KCNQ1: variants seen among roughly 807,000 people sequenced by gnomAD.
The protein encoded by KCNQ1 is potassium voltage-gated channel subfamily KQT member 1.
In KCNQ1, 49 loss-of-function variants were observed where a neutral mutation model predicts 72.4. The observed-to-expected ratio is 0.68, with a 90% CI of 0.54 to 0.86. KCNQ1 has a LOEUF of 0.86. KCNQ1 is among the 40% of genes least tolerant of loss of function. KCNQ1 has a pLI of 0.00. For missense variants in KCNQ1, 790 were observed against 945.1 expected, an observed-to-expected ratio of 0.84 and a Z score of 2.15; for synonymous variants, 450 against 412.6, an observed-to-expected ratio of 1.09 and a Z score of -1.10.
rs1846109129 is a variant in KCNQ1, at chr11:2,450,677, A to T, written c.386+5193A>T. 6.6e-6 allele frequency among the ~76,000 whole-genome samples: 1 copy of T among 152,020 alleles called. No homozygotes were observed. Among genetic ancestry groups the T allele is most frequent in the Admixed American group, 6.5e-5 (1 of 15,272 alleles). On this transcript the variant is annotated intron_variant, in intron 1 of 15. Transcript: ENST00000155840. This position sits in a 1 kb window ranked among gnomAD's most constrained non-coding sequence, Gnocchi z 7.9. Reference sequence around the variant, plus strand: ...TCCTGGTGGGTAGCTGTCTCTCTCCAGCAGCTCCTCCAACCACCATGAGAA... The same window carrying T: ...TCCTGGTGGGTAGCTGTCTCTCTCCTGCAGCTCCTCCAACCACCATGAGAA...
chr11:2,810,680 C>T (rs1332165896), intron 15 of KCNQ1, among the ~76,000 whole-genome samples: 3 of 152,216 alleles, frequency 2.0e-5, no homozygotes, highest in East Asian at 3.8e-4. Context: ...GTTTGGCCAG[C>T]CAGGCCCCTC....
chr11:2,552,845 C>A (rs182313674), intron 2 of KCNQ1, among the ~76,000 whole-genome samples: 58 of 152,242 alleles, frequency 3.8e-4, no homozygotes, highest in African/African-American at 1.4e-3. Context: ...GCCTCATGCA[C>A]GTCTTAGTAA....
Position 2,488,241 on chromosome 11 carries a change from T to C in KCNQ1, c.387-39687T>C, listed in dbSNP as rs191775433. ...CACATGGTCATGATATGTAATACTT[T>C]AACTATGTTTCTGAACTCAGTTTGC... On this transcript the variant is annotated intron_variant, in intron 1 of 15. Transcript: ENST00000155840. This position sits in a 1 kb window ranked among gnomAD's most constrained non-coding sequence, Gnocchi z 5.1. 6.6e-6 allele frequency among the ~76,000 whole-genome samples: 1 copy of C among 152,366 alleles called. No homozygotes were observed. The highest frequency in any genetic ancestry group is 1.5e-5 in the Non-Finnish European group (1 of 68,030).
chr11:2,794,344 G>T (rs1210089315), intron 15 of KCNQ1, among the ~76,000 whole-genome samples: 1 of 152,226 alleles, frequency 6.6e-6, no homozygotes, highest in South Asian at 2.1e-4. Flanking sequence ...TTTGCTCGGA[G>T]GGGTGCTGAG....
Position 2,595,078 on chromosome 11 carries a change from G to A in KCNQ1, c.1393+6224G>A, listed in dbSNP as rs930160250. Among the ~76,000 whole-genome samples, 1 of 152,148 alleles carries A rather than the reference G, an allele frequency of 6.6e-6. No individual in the cohort carries two copies. The highest frequency in any genetic ancestry group is 2.4e-5 in the African/African-American group (1 of 41,436). ...CAGGACCTTCATGATCCATGTTTTA[G>A]ATATGGGATCTTCTAGACAACCTAT... On this transcript the variant is annotated intron_variant, in intron 10 of 15. Transcript: ENST00000155840. This position sits in a 1 kb window ranked among gnomAD's most constrained non-coding sequence, Gnocchi z 5.0.
At chr11:2,765,845 T>A (rs1846488391) in intron 11 of KCNQ1, among the ~76,000 whole-genome samples, 1 of 152,230 alleles carries the variant, frequency 6.6e-6, no homozygotes, top group Non-Finnish European at 1.5e-5. Context: ...TATTTTAAAG[T>A]GGATTTATAT....
chr11:2,658,770 C>T lies in KCNQ1; in HGVS notation c.1394-3191C>T, dbSNP rs569025027. The T allele has an allele frequency of 5.0e-6, 2 of 398,568 alleles. No individual in the cohort carries two copies. The highest frequency in any genetic ancestry group is 4.1e-5 in the African/African-American group (2 of 48,740). The allele number at this position is 398,568 out of a possible 1,614,324, so 24.7% of individuals were successfully genotyped here. A position where few individuals can be genotyped will look rare whatever the true frequency, so the allele number is the denominator to read the frequency against. On this transcript the variant is annotated intron_variant, in intron 10 of 15. Transcript: ENST00000155840. The surrounding 1 kb of genome is among the most constrained non-coding windows in gnomAD (Gnocchi z 4.9). ...AAAGCTAACCATGAGTTCATACTGACATTTCTGACCAGAGTTCATCCTTGC... is the reference window on the plus strand; with the variant it reads ...AAAGCTAACCATGAGTTCATACTGATATTTCTGACCAGAGTTCATCCTTGC...
chr11:2,795,907 C>T (rs1847119169), intron 15 of KCNQ1, among the ~76,000 whole-genome samples: 1 of 152,134 alleles, frequency 6.6e-6, no homozygotes, highest in African/African-American at 2.4e-5. Flanking sequence ...GTGGCCAACC[C>T]CTTGCACAGG....
intron 11 of KCNQ1, among the ~76,000 whole-genome samples, chr11:2,741,128 C>T (rs1024783766): frequency 6.6e-6 from 1 of 152,176 alleles, no homozygotes; most frequent in Non-Finnish European, 1.5e-5. Context: ...GCAGTGCTGC[C>T]TCCGGGGGAA....
intron 11 of KCNQ1, chr11:2,680,021 G>A: frequency 2.5e-6 from 1 of 396,438 alleles, no homozygotes. Context: ...AGCCTCCCTA[G>A]TAGCTGGGAC....
In KCNQ1 at chr11:2,817,926, C is replaced by G. The variant is rs1426574827; in HGVS notation, c.1795-29841C>G. 6.6e-6 allele frequency among the ~76,000 whole-genome samples: 1 copy of G among 152,158 alleles called. No homozygotes were observed. The highest frequency in any genetic ancestry group is 1.5e-5 in the Non-Finnish European group (1 of 68,028). Reference sequence around the variant, plus strand: ...ATGCTCCACATTTGCATTTTAAAAGCCCTGAGAAGGCCTGCAGTGAAAAAA... The same window carrying G: ...ATGCTCCACATTTGCATTTTAAAAGGCCTGAGAAGGCCTGCAGTGAAAAAA... On this transcript the variant is annotated intron_variant, in intron 15 of 15. Transcript: ENST00000155840. This position sits in a 1 kb window ranked among gnomAD's most constrained non-coding sequence, Gnocchi z 6.1.
At position 2,767,612 on chromosome 11, in the gene KCNQ1, G is replaced by A. The variant is rs548729482; in HGVS notation, c.1515-1232G>A. On this transcript the variant is annotated intron_variant, in intron 11 of 15. Coordinates refer to ENST00000155840, the MANE Select transcript of KCNQ1 (RefSeq NM_000218.3). The surrounding 1 kb of genome is among the most constrained non-coding windows in gnomAD (Gnocchi z 4.6). The stretch of plus-strand genomic sequence containing the variant: ...GCCACGCGCAAAGCACCTTACTCCA[G>A]TAGGGGATTGAGAGAGGTGGGGTTA... Among the ~76,000 whole-genome samples, 3 of 152,168 alleles carry A rather than the reference G, an allele frequency of 2.0e-5. No homozygotes were observed. Among genetic ancestry groups the A allele is most frequent in the Non-Finnish European group, 4.4e-5 (3 of 68,032 alleles).
Position 2,623,246 on chromosome 11 carries a change from CTG to C in KCNQ1, c.1393+34395_1393+34396del, listed in dbSNP as rs1475680609. 1 of 398,620 alleles carries C rather than the reference CTG, an allele frequency of 2.5e-6. No homozygotes were observed. Among genetic ancestry groups the C allele is most frequent in the Non-Finnish European group, 4.4e-6 (1 of 226,148 alleles). 24.7% of individuals were successfully genotyped at this position (398,620 alleles called of 1,614,324 possible). The stretch of plus-strand genomic sequence containing the variant: ...CATGCTTACTGTACAGCCTACAAAA[CTG>C]TGAGTCAATTAAACCTCTTTTCTCA... On this transcript the variant is annotated intron_variant, in intron 10 of 15. Coordinates refer to ENST00000155840, the MANE Select transcript of KCNQ1 (RefSeq NM_000218.3). This position sits in a 1 kb window ranked among gnomAD's most constrained non-coding sequence, Gnocchi z 5.2.
At chr11:2,480,183 C>A (rs1846630805) in intron 1 of KCNQ1, among the ~76,000 whole-genome samples, 1 of 152,182 alleles carries the variant, frequency 6.6e-6, no homozygotes, top group Admixed American at 6.5e-5. Flanking sequence ...TCCAAACTGT[C>A]CAACCTCTGC....
intron 10 of KCNQ1, chr11:2,630,669 C>T (rs1849338151): frequency 2.5e-6 from 1 of 398,194 alleles, no homozygotes; most frequent in Admixed American, 4.4e-5. Context: ...ATTTATTTAT[C>T]AGTGAATTTT....
chr11:2,681,645 CCTCT>C, intron 11 of KCNQ1: 1 of 396,468 alleles, frequency 2.5e-6, no homozygotes, highest in South Asian at 1.3e-4. Flanking sequence ...CCTATCTCTC[CCTCT>C]CTCAGGAGAA....
intron 10 of KCNQ1, chr11:2,616,890 G>GT (rs1464207274): frequency 7.5e-6 from 3 of 397,998 alleles, no homozygotes; most frequent in Non-Finnish European, 1.3e-5. Context: ...TGTAGGTCTA[G>GT]TTGGTTTATG....
intron 11 of KCNQ1, among the ~76,000 whole-genome samples, chr11:2,756,780 C>A (rs1420755476): frequency 6.6e-6 from 1 of 151,794 alleles, no homozygotes; most frequent in Non-Finnish European, 1.5e-5. Flanking sequence ...ATAACGAGTC[C>A]TTGGGAGCTT....
chr11:2,740,749 C>T (rs935776994), intron 11 of KCNQ1, among the ~76,000 whole-genome samples: 4 of 152,340 alleles, frequency 2.6e-5, no homozygotes, highest in Non-Finnish European at 4.4e-5. Flanking sequence ...GATCATGGCC[C>T]CTCCTTCACC....
Sources: gnomAD v4.1 joint callset for allele counts (sites outside exome capture counted in the v4.1 genomes callset) on GRCh38, gnomAD v4.1.1 for gene constraint, Gnocchi (gnomAD v3.1) non-coding constraint, MANE v1.5 for transcripts, NCBI Gene and HGNC (gene_info 2026-07-23, HGNC 2026-07-21) for gene names.